The following SHANK2 variants were observed in gnomAD, a reference collection of about 807,000 sequenced individuals.
The protein encoded by SHANK2 is SH3 and multiple ankyrin repeat domains protein 2.
Under a neutral mutation model 133.7 loss-of-function variants are expected in SHANK2, and 43 were observed. The observed-to-expected ratio is 0.32, with a 90% confidence interval of 0.25 to 0.41. The LOEUF (loss-of-function observed/expected upper bound fraction) is 0.41. Among genes scored for constraint, SHANK2 ranks in the 10% least tolerant of loss-of-function variants. The pLI, the probability that SHANK2 is intolerant of heterozygous loss-of-function variation, is 1.00. For synonymous variants in SHANK2, 1,017 were observed against 952.8 expected, an observed-to-expected ratio of 1.07 and a Z score of -1.24; for missense variants, 1,994 against 2,235.8, an observed-to-expected ratio of 0.89 and a Z score of 2.18.
intron 14 of SHANK2, among the ~76,000 whole-genome samples, chr11:70,702,811 T>C (rs1237962467): frequency 6.6e-6 from 1 of 152,198 alleles, no homozygotes; most frequent in Non-Finnish European, 1.5e-5. Context: ...GGATGTGGGC[T>C]CCAAGGCCAG....
At chr11:70,573,778 G>A (rs2060080979) in intron 17 of SHANK2, among the ~76,000 whole-genome samples, 1 of 152,178 alleles carries the variant, frequency 6.6e-6, no homozygotes, top group South Asian at 2.1e-4. Context: ...CCTCACTTCA[G>A]CCAACGGCCA....
At chr11:70,834,529 G>A (rs1467775338) in intron 11 of SHANK2, among the ~76,000 whole-genome samples, 2 of 152,214 alleles carry the variant, frequency 1.3e-5, no homozygotes, top group Admixed American at 6.5e-5. Context: ...GCAGGTACAA[G>A]CTAGAGCGGG....
At chr11:71,116,928 A>C (rs563048152) in intron 4 of SHANK2, among the ~76,000 whole-genome samples, 5 of 152,272 alleles carry the variant, frequency 3.3e-5, no homozygotes, top group African/African-American at 1.2e-4. Context: ...CTGAGGCCTC[A>C]ATGCTGAGCC....
chr11:70,792,951 A>G (rs1368729748), intron 14 of SHANK2, among the ~76,000 whole-genome samples: 5 of 152,166 alleles, frequency 3.3e-5, no homozygotes, highest in Non-Finnish European at 7.3e-5. Context: ...AATAAATTTT[A>G]AAATAAGGCA....
rs1322035583 is a variant in SHANK2 at position 70,469,527 on chromosome 11, T to A, written c.*3342A>T. 6.6e-6 allele frequency: 1 copy of A among 152,396 alleles called. No individual in the cohort carries two copies. Among genetic ancestry groups the A allele is most frequent in the Non-Finnish European group, 1.5e-5 (1 of 68,024 alleles). 9.4% of individuals were successfully genotyped at this position (152,396 alleles called of 1,614,324 possible). On this transcript the variant is annotated 3_prime_UTR_variant, in exon 26 of 26. Transcript: ENST00000601538. ...GAAAGTGCAAATTACAGGAGCTTTT[T>A]TTTTTTTTTATAAAGTCTAAAAAGA... is the stretch of plus-strand genomic sequence containing the variant.
In SHANK2 at chr11:70,500,789, C is replaced by CACAACTCTG. The variant is rs1555158301; in HGVS notation, c.2288-208_2288-200dup. ...GCTTTCCCCAAACCTTGGCTGCCCG[C>CACAACTCTG]ACAACTCTGTCCTGTCTGCCCTGCT... On this transcript the variant is annotated intron_variant, in intron 20 of 25. Coordinates refer to ENST00000601538, the MANE Select transcript of SHANK2 (RefSeq NM_012309.5). This position sits in a 1 kb window ranked among gnomAD's most constrained non-coding sequence, Gnocchi z 4.5. 1 of 747,606 alleles carries CACAACTCTG rather than the reference C, an allele frequency of 1.3e-6. No homozygotes were observed. Among genetic ancestry groups the CACAACTCTG allele is most frequent in the African/African-American group, 1.7e-5 (1 of 57,762 alleles). 46.3% of individuals were successfully genotyped at this position (747,606 alleles called of 1,614,324 possible). A position where few individuals can be genotyped will look rare whatever the true frequency, so the allele number is the denominator to read the frequency against.
At chr11:70,864,020 C>G in intron 11 of SHANK2, 1 of 378,420 alleles carries the variant, frequency 2.6e-6, no homozygotes, top group South Asian at 2.0e-5. Context: ...CCATGGCCTC[C>G]CCTGTCCTGG....
In SHANK2 at chr11:70,510,231, C is replaced by T. The variant is rs1189434868; in HGVS notation, c.2062-7300G>A. On this transcript the variant is annotated intron_variant, in intron 17 of 25. Coordinates refer to ENST00000601538, the MANE Select transcript of SHANK2 (RefSeq NM_012309.5). ...ATGCAAAGGCCACAGCCCCCAGATG[C>T]TGCTGCTGTTAGCAAACCTGGGGCC... is the stretch of plus-strand genomic sequence containing the variant. Among the ~76,000 whole-genome samples the T allele has an allele frequency of 2.0e-5, 3 of 152,330 alleles. No homozygotes were observed. In the East Asian group the frequency reaches 5.8e-4, roughly 29 times the overall value.
Position 71,094,629 on chromosome 11 carries a change from T to G in SHANK2, c.652A>C (p.Lys218Gln). The G allele has an allele frequency of 6.4e-7, 1 of 1,551,750 alleles. No individual in the cohort carries two copies. The highest frequency in any genetic ancestry group is 8.7e-7 in the Non-Finnish European group (1 of 1,146,986). ...DDSVEVIKAL[K>Q]NGGAHLDFRA... is the part of the protein sequence containing the mutation. ...AAGTCCAGGTGAGCTCCACCATTTTTGAGAGCTTTGATGACCTCCACAGAG... is the reference window on the plus strand; with the variant it reads ...AAGTCCAGGTGAGCTCCACCATTTTGGAGAGCTTTGATGACCTCCACAGAG... The change falls in exon 7 of 26, where the codon AAA becomes CAA. Residue 218 changes from lysine (K) to glutamine (Q), a missense_variant. By Grantham distance (53) the Lys-to-Gln change is moderately conservative. This residue lies in a region of SHANK2 where 653 missense variants were observed against 563.4 expected (regional missense o/e 1.16). Coordinates refer to ENST00000601538, the MANE Select transcript of SHANK2 (RefSeq NM_012309.5).
chr11:70,766,720 G>A (rs551650708), intron 14 of SHANK2, among the ~76,000 whole-genome samples: 24 of 152,098 alleles, frequency 1.6e-4, no homozygotes, highest in Non-Finnish European at 3.2e-4. Context: ...ATTGCTCCTC[G>A]CTTGTTAAAA....
At chr11:71,145,411 T>C (rs1309789082) in intron 3 of SHANK2, among the ~76,000 whole-genome samples, 4 of 152,260 alleles carry the variant, frequency 2.6e-5, no homozygotes, top group African/African-American at 9.6e-5. Flanking sequence ...CCCACGGGCC[T>C]TGGGTTGGAC....
intron 11 of SHANK2, among the ~76,000 whole-genome samples, chr11:70,822,830 C>A (rs10736815): frequency 5.6e-5 from 1 of 17,988 alleles, no homozygotes; most frequent in Non-Finnish European, 9.8e-5. Flanking sequence ...GCTGGCAGAG[C>A]TCATGGGGGT....
chr11:70,907,336 T>A (rs1297152907), intron 10 of SHANK2, among the ~76,000 whole-genome samples: 1 of 151,964 alleles, frequency 6.6e-6, no homozygotes, highest in Non-Finnish European at 1.5e-5. Context: ...CATGGCTGAG[T>A]GAAGGGGACC....
rs375627847 is a variant in SHANK2, at chr11:70,504,032, A to G, written c.2062-1101T>C. ...CTGAATGGGAGCGCAGCCCAGAGGC[A>G]GCTGTCTCTAGGTGGCAGCAGGGAG... On this transcript the variant is annotated intron_variant, in intron 17 of 25. Transcript: ENST00000601538. Among the ~76,000 whole-genome samples the G allele has an allele frequency of 1.1e-3, 175 of 152,338 alleles. 1 individual carries two copies. The highest frequency in any genetic ancestry group is 4.1e-3 in the African/African-American group (171 of 41,580).
chr11:70,646,873 A>T lies in SHANK2; in HGVS notation c.2061+12955T>A, dbSNP rs556606107. 3.0e-3 allele frequency among the ~76,000 whole-genome samples: 446 copies of T among 148,428 alleles called. 4 individuals carry two copies. Among genetic ancestry groups the T allele is most frequent in the African/African-American group, 0.011 (433 of 40,178 alleles). ...TATTTATTTATTTATTTATTTATTT[A>T]TTTTTGAGACAGAGTATTGCTCTGT... On this transcript the variant is annotated intron_variant, in intron 17 of 25. Transcript: ENST00000601538.
intron 4 of SHANK2, among the ~76,000 whole-genome samples, chr11:71,113,988 ACT>A (rs1174223941): frequency 1.3e-5 from 2 of 151,906 alleles, no homozygotes; most frequent in Non-Finnish European, 2.9e-5. Flanking sequence ...GCTTGGTGAG[ACT>A]CTAAAATACC....
intron 6 of SHANK2, among the ~76,000 whole-genome samples, chr11:71,107,120 AAAAG>A (rs1951813824): frequency 6.6e-6 from 1 of 152,206 alleles, no homozygotes; most frequent in Non-Finnish European, 1.5e-5. Flanking sequence ...GTCTCAAAAA[AAAAG>A]AAAGGGGAGT....
chr11:71,234,938 C>T (rs1289894954), intron 1 of SHANK2, among the ~76,000 whole-genome samples: 4 of 152,164 alleles, frequency 2.6e-5, no homozygotes, highest in Admixed American at 2.0e-4. Flanking sequence ...GAACAAAACA[C>T]CCACCCACAC....
chr11:71,075,579 C>T (rs1455947456), intron 8 of SHANK2, among the ~76,000 whole-genome samples: 1 of 152,190 alleles, frequency 6.6e-6, no homozygotes, highest in African/African-American at 2.4e-5. Flanking sequence ...GATCCCGGGG[C>T]CTAGAGCCCA....
Sources: allele counts gnomAD v4.1 joint callset (sites outside exome capture counted in the v4.1 genomes callset), GRCh38; gene constraint gnomAD v4.1.1; regional missense constraint gnomAD v4.1.1; non-coding constraint Gnocchi (gnomAD v3.1); transcripts MANE v1.5; gene names NCBI Gene and HGNC (gene_info 2026-07-23, HGNC 2026-07-21).